The following DAPK1 variants were observed in gnomAD, a reference collection of about 807,000 sequenced individuals.
DAPK1 encodes death associated protein kinase 1.
Under a neutral mutation model 144.9 loss-of-function variants are expected in DAPK1, and 56 were observed. The ratio of observed to expected loss-of-function variants is 0.39; its 90% CI spans 0.31 to 0.48. The LOEUF (loss-of-function observed/expected upper bound fraction) is 0.48. DAPK1 is among the 20% of genes least tolerant of loss of function. The pLI, the probability that DAPK1 is intolerant of heterozygous loss-of-function variation, is 0.95. For synonymous variants in DAPK1, 690 were observed against 749.0 expected (o/e 0.92, Z 1.29); for missense variants, 1,454 against 1,875.4 (o/e 0.78, Z 4.15).
chr9:87,603,873 T>G (rs1487559935), intron 2 of DAPK1, among the ~76,000 whole-genome samples: 1 of 152,196 alleles, frequency 6.6e-6, no homozygotes, highest in African/African-American at 2.4e-5. Context: ...CAAGTTCTAT[T>G]ATTACAGTCT....
rs549666564 is a variant in DAPK1 at position 87,557,643 on chromosome 9, A to G, written c.63-47311A>G. Reference sequence around the variant, plus strand: ...AAAAGAAAAATGTGTTGGATTTTAAAAAATACCTAATCCTTGGCAGGGCGC... The same window carrying G: ...AAAAGAAAAATGTGTTGGATTTTAAGAAATACCTAATCCTTGGCAGGGCGC... On this transcript the variant is annotated intron_variant, in intron 2 of 25. Transcript: ENST00000408954. Among the ~76,000 whole-genome samples, 5 of 152,354 alleles carry G rather than the reference A, an allele frequency of 3.3e-5. No homozygotes were observed. The South Asian group carries it at 1.0e-3, about 32-fold the overall frequency.
intron 2 of DAPK1, among the ~76,000 whole-genome samples, chr9:87,594,068 G>A (rs1401490330): frequency 1.3e-5 from 2 of 152,166 alleles, no homozygotes; most frequent in Non-Finnish European, 2.9e-5. Context: ...TACCCTTTCT[G>A]TATAAGGGCA....
chr9:87,529,244 A>G (rs888007583), intron 2 of DAPK1, among the ~76,000 whole-genome samples: 4 of 152,116 alleles, frequency 2.6e-5, no homozygotes, highest in African/African-American at 7.2e-5. Flanking sequence ...GCGCTTTTCA[A>G]TAAGCTTTCA....
Position 87,697,131 on chromosome 9 carries a change from T to A in DAPK1, c.2538T>A (p.Tyr846Ter). ...HVVVFSLEEP[Y>*]EIQLNQVIFW... ...TTGTCTTTAGTCTAGAAGAGCCCTA[T>A]GAGATCCAGCTGAACCAAGTGATTT... Residue 846 changes from tyrosine to a stop codon, truncating the protein, a stop_gained, in exon 22 of 26, where the codon TAT (tyrosine) becomes TAA (stop). Coordinates refer to ENST00000408954, the MANE Select transcript of DAPK1 (RefSeq NM_004938.4). LOFTEE classifies it high-confidence loss of function. 6.4e-7 allele frequency: 1 copy of A among 1,560,376 alleles called. No individual in the cohort carries two copies. Among genetic ancestry groups the A allele is most frequent in the Non-Finnish European group, 8.8e-7 (1 of 1,130,866 alleles).
At chr9:87,591,425 A>G (rs1227030023) in intron 2 of DAPK1, among the ~76,000 whole-genome samples, 1 of 152,230 alleles carries the variant, frequency 6.6e-6, no homozygotes, top group Non-Finnish European at 1.5e-5. Context: ...TTGTTTTTCC[A>G]TGTTCAGAAA....
intron 2 of DAPK1, among the ~76,000 whole-genome samples, chr9:87,566,057 G>A (rs1213320365): frequency 7.5e-6 from 1 of 133,912 alleles, no homozygotes; most frequent in Non-Finnish European, 1.5e-5. Context: ...GTCTTGCTCT[G>A]TGGCCCAGGC....
chr9:87,551,650 A>G (rs1178758012), intron 2 of DAPK1, among the ~76,000 whole-genome samples: 1 of 152,170 alleles, frequency 6.6e-6, no homozygotes, highest in African/African-American at 2.4e-5. Flanking sequence ...CCAGGGACCC[A>G]TTATGGGCCC....
rs537000861 is a variant in DAPK1 at position 87,562,612 on chromosome 9, A to G, written c.63-42342A>G. 1.2e-4 allele frequency among the ~76,000 whole-genome samples: 19 copies of G among 152,334 alleles called. No individual in the cohort carries two copies. In the South Asian group the frequency reaches 3.5e-3, roughly 28 times the overall value. The stretch of plus-strand genomic sequence containing the variant: ...AGAATTCTATAATATTTTTATAGAA[A>G]AGAGTATTAGGAATTGAGTCATTTG... On this transcript the variant is annotated intron_variant, in intron 2 of 25. Coordinates refer to ENST00000408954, the MANE Select transcript of DAPK1 (RefSeq NM_004938.4).
intron 2 of DAPK1, among the ~76,000 whole-genome samples, chr9:87,583,608 T>C (rs1827830103): frequency 6.6e-6 from 1 of 152,154 alleles, no homozygotes; most frequent in African/African-American, 2.4e-5. Flanking sequence ...GCTTGCGGCC[T>C]TCCCCTTCAT....
At chr9:87,543,093 A>G (rs1450984039) in intron 2 of DAPK1, among the ~76,000 whole-genome samples, 21 of 152,258 alleles carry the variant, frequency 1.4e-4, no homozygotes, top group Admixed American at 1.3e-3. Flanking sequence ...GACATGTTGT[A>G]TAGAGCAAGT....
chr9:87,524,526 C>T (rs11141862), intron 2 of DAPK1, among the ~76,000 whole-genome samples: 37,728 of 152,150 alleles, frequency 0.25, 5,671 homozygotes, highest in Non-Finnish European at 0.35. Context: ...TTGCCAGAAC[C>T]ACCTCCTCGC....
intron 11 of DAPK1, among the ~76,000 whole-genome samples, chr9:87,645,609 T>G (rs1179336038): frequency 6.6e-6 from 1 of 152,202 alleles, no homozygotes; most frequent in Non-Finnish European, 1.5e-5. Context: ...ACACAAAGGG[T>G]TACTTATCAT....
At chr9:87,704,515 A>C (rs1322668367) in intron 25 of DAPK1, among the ~76,000 whole-genome samples, 1 of 152,128 alleles carries the variant, frequency 6.6e-6, no homozygotes, top group African/African-American at 2.4e-5. Flanking sequence ...TAATTTGCAG[A>C]TCTTCAGAAC....
chr9:87,534,350 A>T (rs980721529), intron 2 of DAPK1, among the ~76,000 whole-genome samples: 6 of 151,212 alleles, frequency 4.0e-5, no homozygotes, highest in African/African-American at 1.5e-4. Flanking sequence ...CATTGCTCTC[A>T]AGGGCAGGGG....
chr9:87,613,821 A>T (rs1190921868), intron 3 of DAPK1, among the ~76,000 whole-genome samples: 1 of 152,062 alleles, frequency 6.6e-6, no homozygotes, highest in African/African-American at 2.4e-5. Flanking sequence ...AATAGCACAC[A>T]CTCAGACTTC....
chr9:87,605,768 G>T (rs1003100984), intron 3 of DAPK1, among the ~76,000 whole-genome samples: 3 of 152,196 alleles, frequency 2.0e-5, no homozygotes, highest in African/African-American at 7.2e-5. Flanking sequence ...GAAACTGATT[G>T]CGGCAGGTTA....
chr9:87,648,618 G>GGACCT, intron 14 of DAPK1, 163 bp from the exon 15 acceptor site: 1 of 612,812 alleles, frequency 1.6e-6, no homozygotes, highest in Non-Finnish European at 2.9e-6. Flanking sequence ...CCCAACCTCA[G>GGACCT]GTCCCCATCC....
At position 87,540,183 on chromosome 9, in the gene DAPK1, C is replaced by CTTT. The variant is rs33925780; in HGVS notation, c.62+41066_62+41068dup. 2.9e-3 allele frequency among the ~76,000 whole-genome samples: 189 copies of CTTT among 66,180 alleles called. 5 individuals are homozygous for CTTT. The highest frequency in any genetic ancestry group is 7.2e-3 in the African/African-American group (124 of 17,198). 43.4% of individuals were successfully genotyped at this position (66,180 alleles called of 152,430 possible). A position where few individuals can be genotyped will look rare whatever the true frequency, so the allele number is the denominator to read the frequency against. On this transcript the variant is annotated intron_variant, in intron 2 of 25. Transcript: ENST00000408954. ...TATTGCTAATTATTGTTGTTAATCT[C>CTTT]TTTTTTTTTTTTTTTTTTTTTTTTG...
At chr9:87,518,660 G>A (rs966937237) in intron 2 of DAPK1, among the ~76,000 whole-genome samples, 1 of 152,098 alleles carries the variant, frequency 6.6e-6, no homozygotes, top group African/African-American at 2.4e-5. Flanking sequence ...ATGCCCAGAT[G>A]GCTTAACTTT....
Sources: allele counts gnomAD v4.1 joint callset (sites outside exome capture counted in the v4.1 genomes callset), GRCh38; gene constraint gnomAD v4.1.1; transcripts MANE v1.5; gene names NCBI Gene and HGNC (gene_info 2026-07-23, HGNC 2026-07-21).